Variants in CSDC2 observed in about 807,000 individuals in gnomAD.
CSDC2 encodes cold shock domain-containing protein C2.
CSDC2 carries 8 observed loss-of-function variants against 15.8 expected under a neutral mutation model. The ratio of observed to expected loss-of-function variants is 0.51; its 90% CI spans 0.30 to 0.92. The LOEUF (loss-of-function observed/expected upper bound fraction) is 0.92, where lower values mean the gene tolerates loss of function less well. Ranked by LOEUF, CSDC2 falls within the 40% of genes least tolerant of loss-of-function variation. The pLI, the probability that CSDC2 is intolerant of heterozygous loss-of-function variation, is 0.07. For missense variants in CSDC2, 195 were observed against 213.3 expected (o/e 0.91, Z 0.53); for synonymous variants, 96 against 92.3 (o/e 1.04, Z -0.23).
At position 41,573,819 on chromosome 22, in the gene CSDC2, T is replaced by G. The variant is rs141782564; in HGVS notation, c.299+42T>G. The G allele has an allele frequency of 7.9e-5, 126 of 1,591,352 alleles. 1 individual carries two copies. In the East Asian group the frequency reaches 2.8e-3, roughly 35 times the overall value. On this transcript the variant is annotated intron_variant, in intron 3 of 3. Coordinates refer to ENST00000306149, the MANE Select transcript of CSDC2 (RefSeq NM_014460.4). ...TCCCTGTTCTTGGCCCCTGCCCTAGTGTCCCCAATGGTGCCTCAAAAATGG... is the reference window on the plus strand; with the variant it reads ...TCCCTGTTCTTGGCCCCTGCCCTAGGGTCCCCAATGGTGCCTCAAAAATGG...
intron 1 of CSDC2, 67 bp from the exon 2 acceptor site, chr22:41,571,776 T>A: frequency 1.9e-5 from 7 of 375,716 alleles, no homozygotes; most frequent in Admixed American, 4.6e-5. Flanking sequence ...CCCTCCTCAC[T>A]GTGGCCAGGG....
intron 1 of CSDC2, among the ~76,000 whole-genome samples, chr22:41,562,855 G>A (rs1434384043): frequency 1.3e-5 from 2 of 152,180 alleles, no homozygotes; most frequent in African/African-American, 4.8e-5. Context: ...CCAGAAAGCT[G>A]TGGGGTCACA....
chr22:41,568,937 C>T (rs913384184), intron 1 of CSDC2, among the ~76,000 whole-genome samples: 9 of 152,270 alleles, frequency 5.9e-5, no homozygotes, highest in African/African-American at 2.2e-4. Flanking sequence ...CTGGCCAGAG[C>T]AGGCCCCAGC....
intron 1 of CSDC2, among the ~76,000 whole-genome samples, chr22:41,562,141 G>T (rs1217683730): frequency 6.6e-6 from 1 of 152,096 alleles, no homozygotes; most frequent in African/African-American, 2.4e-5. Context: ...CCAGTGGGGG[G>T]TGGGCAACCT....
At chr22:41,570,507 T>C (rs1207726002) in intron 1 of CSDC2, among the ~76,000 whole-genome samples, 2 of 152,066 alleles carry the variant, frequency 1.3e-5, no homozygotes, top group African/African-American at 4.8e-5. Context: ...TGATTTTCCT[T>C]CCCTGGGAAC....
In CSDC2 at chr22:41,575,851, C is replaced by T. The variant is rs1011755693; in HGVS notation, c.*956C>T. 1 of 152,370 alleles carries T rather than the reference C, an allele frequency of 6.6e-6. No homozygotes were observed. The highest frequency in any genetic ancestry group is 2.1e-4 in the South Asian group (1 of 4,842). 9.4% of individuals were successfully genotyped at this position (152,370 alleles called of 1,614,324 possible). A position where few individuals can be genotyped will look rare whatever the true frequency, so the allele number is the denominator to read the frequency against. On this transcript the variant is annotated 3_prime_UTR_variant, in exon 4 of 4. Coordinates refer to ENST00000306149, the MANE Select transcript of CSDC2 (RefSeq NM_014460.4). ...TCAAACTCTCTTCCCAAAGCCCTAA[C>T]AGACCAGTGGCCGAGGTGTGGCTCT...
At chr22:41,571,079 G>A (rs1037196466) in intron 1 of CSDC2, among the ~76,000 whole-genome samples, 4 of 151,774 alleles carry the variant, frequency 2.6e-5, no homozygotes, top group Non-Finnish European at 5.9e-5. Context: ...TGCGCTGGAC[G>A]AGTTGGCTCA....
intron 1 of CSDC2, among the ~76,000 whole-genome samples, chr22:41,563,944 C>A (rs1049013129): frequency 4.6e-5 from 7 of 150,660 alleles, no homozygotes; most frequent in Non-Finnish European, 8.9e-5. Flanking sequence ...ATTAACCGAG[C>A]GTGGTGGCGG....
At chr22:41,564,893 C>T (rs747461909) in intron 1 of CSDC2, among the ~76,000 whole-genome samples, 20 of 152,056 alleles carry the variant, frequency 1.3e-4, no homozygotes, top group Non-Finnish European at 2.4e-4. Flanking sequence ...TACAGTCAGG[C>T]GCGGTGGCTC....
intron 1 of CSDC2, among the ~76,000 whole-genome samples, chr22:41,566,250 C>A (rs2067113449): frequency 6.6e-6 from 1 of 151,282 alleles, no homozygotes; most frequent in Non-Finnish European, 1.5e-5. Context: ...TCAAGACCAT[C>A]CTGGCCAACA....
At chr22:41,566,653 A>C (rs1021787535) in intron 1 of CSDC2, among the ~76,000 whole-genome samples, 3 of 126,550 alleles carry the variant, frequency 2.4e-5, no homozygotes, top group African/African-American at 8.9e-5. Context: ...AAAAAGGGGG[A>C]GGGTCACCGG....
rs2067080782 is a variant in CSDC2 at position 41,561,053 on chromosome 22, C to CACACACACAG, written c.-245_-244insGACACACACA. 1 of 112,372 alleles carries CACACACACAG rather than the reference C, an allele frequency of 8.9e-6. No homozygotes were observed. Among genetic ancestry groups the CACACACACAG allele is most frequent in the Non-Finnish European group, 1.9e-5 (1 of 52,960 alleles). The allele number at this position is 112,372 out of a possible 1,614,324, so 7.0% of individuals were successfully genotyped here. On this transcript the variant is annotated 5_prime_UTR_variant, in exon 1 of 4. Transcript: ENST00000306149. Reference sequence around the variant, plus strand: ...CCGCGCGAGCACACACAGACACACACACACACACACACACACACACACACA... The same window carrying CACACACACAG: ...CCGCGCGAGCACACACAGACACACACACACACACAGACACACACACACACACACACACACA...
chr22:41,567,578 T>C (rs2067122701), intron 1 of CSDC2, among the ~76,000 whole-genome samples: 1 of 152,222 alleles, frequency 6.6e-6, no homozygotes, highest in East Asian at 1.9e-4. Context: ...CTCGGGCTGC[T>C]GGGCATTGTA....
chr22:41,574,257 C>CATTTT (rs560063788), intron 3 of CSDC2, among the ~76,000 whole-genome samples: 575 of 148,892 alleles, frequency 3.9e-3, no homozygotes, highest in Middle Eastern at 6.8e-3. Flanking sequence ...TTATGAGTCC[C>CATTTT]ATTTTATTTT....
rs2067167685 is a variant in CSDC2 at position 41,574,961 on chromosome 22, C to T, written c.*66C>T. 5 of 1,512,342 alleles carry T rather than the reference C, an allele frequency of 3.3e-6. No homozygotes were observed. Among genetic ancestry groups the T allele is most frequent in the Non-Finnish European group, 3.6e-6 (4 of 1,124,542 alleles). The allele number at this position is 1,512,342 out of a possible 1,614,324, so 93.7% of individuals were successfully genotyped here. A position where few individuals can be genotyped will look rare whatever the true frequency, so the allele number is the denominator to read the frequency against. On this transcript the variant is annotated 3_prime_UTR_variant, in exon 4 of 4. Transcript: ENST00000306149. Reference sequence around the variant, plus strand: ...CCACACAGGGTGAACGGGCAGCAGCCGGCTCCATGCCCCACTGCCCTGGCT... The same window carrying T: ...CCACACAGGGTGAACGGGCAGCAGCTGGCTCCATGCCCCACTGCCCTGGCT...
intron 1 of CSDC2, among the ~76,000 whole-genome samples, chr22:41,571,392 T>C (rs544029403): frequency 1.3e-5 from 2 of 152,170 alleles, no homozygotes; most frequent in South Asian, 4.1e-4. Flanking sequence ...CAAGGCTATG[T>C]AGCCAGAAGG....
Position 41,574,511 on chromosome 22 carries a change from C to T in CSDC2, c.300-222C>T, listed in dbSNP as rs1475010967. On this transcript the variant is annotated intron_variant, in intron 3 of 3. Transcript: ENST00000306149. Reference sequence around the variant, plus strand: ...AAACTCCTGACTCAGGTGATCCGCCCGCCTCAGACTCCCAAAGTGCTGGGA... The same window carrying T: ...AAACTCCTGACTCAGGTGATCCGCCTGCCTCAGACTCCCAAAGTGCTGGGA... 2.6e-5 allele frequency among the ~76,000 whole-genome samples: 4 copies of T among 152,320 alleles called. No homozygotes were observed. In the East Asian group the frequency reaches 5.8e-4, roughly 22 times the overall value.
chr22:41,566,026 C>T (rs925764659), intron 1 of CSDC2, among the ~76,000 whole-genome samples: 1 of 151,736 alleles, frequency 6.6e-6, no homozygotes, highest in East Asian at 1.9e-4. Flanking sequence ...GAGAGTTGGC[C>T]GGGCGCAGTG....
intron 1 of CSDC2, among the ~76,000 whole-genome samples, chr22:41,567,334 T>C (rs898208997): frequency 6.6e-6 from 1 of 152,242 alleles, no homozygotes; most frequent in Non-Finnish European, 1.5e-5. Context: ...TCACTCAACC[T>C]CTCTGAGCCT....
Sources: allele counts gnomAD v4.1 joint callset (sites outside exome capture counted in the v4.1 genomes callset), GRCh38; gene constraint gnomAD v4.1.1; transcripts MANE v1.5; gene names NCBI Gene and HGNC (gene_info 2026-07-23, HGNC 2026-07-21).